CDC14A: variants seen among roughly 807,000 people sequenced by gnomAD.
The protein encoded by CDC14A is dual specificity protein phosphatase CDC14A.
A neutral mutation model predicts 74.4 loss-of-function variants in CDC14A; 53 were observed. That is an observed-to-expected ratio of 0.71 (90% CI 0.57 to 0.89). CDC14A has a LOEUF of 0.89. Among genes scored for constraint, CDC14A ranks in the 40% least tolerant of loss-of-function variants. CDC14A has a pLI of 0.00. For synonymous variants in CDC14A, 247 were observed against 258.4 expected, an observed-to-expected ratio of 0.96 and a Z score of 0.43; for missense variants, 646 against 713.7, an observed-to-expected ratio of 0.91 and a Z score of 1.08.
intron 4 of CDC14A, among the ~76,000 whole-genome samples, chr1:100,411,178 C>G (rs374013681): frequency 6.6e-6 from 1 of 152,196 alleles, no homozygotes; most frequent in East Asian, 1.9e-4. Context: ...CCAAGAGCCT[C>G]CTATATTATT....
intron 5 of CDC14A, among the ~76,000 whole-genome samples, chr1:100,425,795 TA>T (rs1162690623): frequency 1.3e-5 from 2 of 152,236 alleles, no homozygotes; most frequent in Non-Finnish European, 2.9e-5. Flanking sequence ...AAGTCCTTTG[TA>T]AAATATAATC....
intron 4 of CDC14A, among the ~76,000 whole-genome samples, chr1:100,392,371 T>A (rs1472762813): frequency 2.6e-5 from 4 of 152,218 alleles, no homozygotes; most frequent in Non-Finnish European, 5.9e-5. Flanking sequence ...GGTTTTGTGA[T>A]GCTTTGTAAG....
At chr1:100,422,506 A>G (rs960338871) in intron 4 of CDC14A, among the ~76,000 whole-genome samples, 1 of 152,218 alleles carries the variant, frequency 6.6e-6, no homozygotes, top group South Asian at 2.1e-4. Context: ...CCTACCCCTT[A>G]GGGTACAGTA....
At chr1:100,513,535 T>C (rs904682232) in intron 15 of CDC14A, among the ~76,000 whole-genome samples, 12 of 152,148 alleles carry the variant, frequency 7.9e-5, no homozygotes, top group Non-Finnish European at 2.9e-5. Context: ...GATCCTTTGG[T>C]TCAAGTTATT....
intron 2 of CDC14A, among the ~76,000 whole-genome samples, chr1:100,368,646 A>G (rs1394616001): frequency 6.6e-6 from 1 of 152,176 alleles, no homozygotes; most frequent in Non-Finnish European, 1.5e-5. Context: ...ATACAAGCAT[A>G]TTTTGTGATG....
chr1:100,510,199 G>T (rs2101474680), intron 15 of CDC14A, among the ~76,000 whole-genome samples: 1 of 152,268 alleles, frequency 6.6e-6, no homozygotes, highest in South Asian at 2.1e-4. Context: ...CTGGACAACT[G>T]TAACATTTTT....
chr1:100,400,039 A>T (rs1159720962), intron 4 of CDC14A, among the ~76,000 whole-genome samples: 2 of 152,332 alleles, frequency 1.3e-5, no homozygotes, highest in Non-Finnish European at 2.9e-5. Context: ...CCTGAATATA[A>T]ATGTGCTTAA....
chr1:100,405,174 C>G (rs1223938394), intron 4 of CDC14A, among the ~76,000 whole-genome samples: 1 of 152,042 alleles, frequency 6.6e-6, no homozygotes, highest in Non-Finnish European at 1.5e-5. Flanking sequence ...TTCTGCCTAC[C>G]CCTCACTCTC....
At chr1:100,446,957 C>G (rs116768221) in intron 7 of CDC14A, among the ~76,000 whole-genome samples, 1 of 152,314 alleles carries the variant, frequency 6.6e-6, no homozygotes, top group Admixed American at 6.5e-5. Context: ...CCTTGTCTTT[C>G]CAAAGTCCTG....
chr1:100,381,063 C>CT (rs1656031698), intron 3 of CDC14A, among the ~76,000 whole-genome samples: 1 of 152,330 alleles, frequency 6.6e-6, no homozygotes, highest in South Asian at 2.1e-4. Flanking sequence ...TCTCACTAGA[C>CT]TATGAGCTTC....
chr1:100,447,852 A>C (rs1253815288), intron 7 of CDC14A, among the ~76,000 whole-genome samples: 2 of 152,300 alleles, frequency 1.3e-5, no homozygotes, highest in East Asian at 3.9e-4. Flanking sequence ...TGTCCTTACC[A>C]AACAAGATGT....
intron 2 of CDC14A, among the ~76,000 whole-genome samples, chr1:100,361,027 A>G (rs1029443340): frequency 4.6e-5 from 7 of 152,090 alleles, no homozygotes; most frequent in Admixed American, 1.3e-4. Flanking sequence ...CTCATTTGTA[A>G]GTTCATAAAC....
Position 100,390,840 on chromosome 1 carries a change from A to T in CDC14A, c.309+16A>T. ...TGCCTATGCAGTAAGTACCTTCTTCATGATTATTTTCTATAATCAGGCCAG... is the reference window on the plus strand; with the variant it reads ...TGCCTATGCAGTAAGTACCTTCTTCTTGATTATTTTCTATAATCAGGCCAG... On this transcript the variant is annotated intron_variant, in intron 4 of 15. Coordinates refer to ENST00000336454, the MANE Select transcript of CDC14A (RefSeq NM_003672.4). 1 of 1,565,714 alleles carries T rather than the reference A, an allele frequency of 6.4e-7. No homozygotes were observed. Among genetic ancestry groups the T allele is most frequent in the Non-Finnish European group, 8.8e-7 (1 of 1,137,118 alleles).
intron 4 of CDC14A, among the ~76,000 whole-genome samples, chr1:100,400,607 C>T (rs899876882): frequency 2.0e-4 from 31 of 152,040 alleles, no homozygotes; most frequent in African/African-American, 7.0e-4. Context: ...GTGATGTTGC[C>T]TGTAAATGGG....
intron 4 of CDC14A, among the ~76,000 whole-genome samples, chr1:100,402,721 G>A (rs1659434382): frequency 6.6e-6 from 1 of 152,158 alleles, no homozygotes; most frequent in Non-Finnish European, 1.5e-5. Context: ...CTAGAACCCC[G>A]ATCCCTAAGT....
At chr1:100,498,835 C>T in intron 14 of CDC14A, 94 bp from the exon 15 acceptor site, 3 of 1,461,254 alleles carry the variant, frequency 2.1e-6, no homozygotes, top group Middle Eastern at 1.9e-4. Flanking sequence ...TCATGTTCCC[C>T]TAATGTCATG....
rs1648351770 is a variant in CDC14A at position 100,499,062 on chromosome 1, G to A, written c.1555G>A (p.Gly519Ser). The A allele has an allele frequency of 6.2e-7, 1 of 1,614,112 alleles. No individual in the cohort carries two copies. ...CAGCCCGTTTACCAACCTCTTGAAT[G>A]GCAGCTCCCAGCCAACTACCAGAAA... Reference protein sequence around the residue: ...TASPFTNLLNGSSQPTTRNYP... With the variant: ...TASPFTNLLNSSSQPTTRNYP... The change falls in exon 15 of 16, where the codon GGC (glycine) becomes AGC (serine). Residue 519 changes from glycine to serine, a missense_variant. Coordinates refer to ENST00000336454, the MANE Select transcript of CDC14A (RefSeq NM_003672.4).
chr1:100,364,463 C>T (rs765456816), intron 2 of CDC14A, among the ~76,000 whole-genome samples: 23 of 150,022 alleles, frequency 1.5e-4, no homozygotes, highest in African/African-American at 4.3e-4. Context: ...CCGCCCGCCT[C>T]GGCCTCCCAA....
At chr1:100,416,336 G>A (rs1039915032) in intron 4 of CDC14A, among the ~76,000 whole-genome samples, 3 of 152,086 alleles carry the variant, frequency 2.0e-5, no homozygotes, top group African/African-American at 7.2e-5. Context: ...ACAGTAACTC[G>A]CTTCTTATTT....
Sources: allele counts gnomAD v4.1 joint callset (sites outside exome capture counted in the v4.1 genomes callset), GRCh38; gene constraint gnomAD v4.1.1; transcripts MANE v1.5; gene names NCBI Gene and HGNC (gene_info 2026-07-23, HGNC 2026-07-21).